The following IL12RB2 variants were observed in gnomAD, a reference collection of about 807,000 sequenced individuals.
IL12RB2 encodes interleukin 12 receptor subunit beta 2.
Under a neutral mutation model 89.4 loss-of-function variants are expected in IL12RB2, and 82 were observed. The observed-to-expected ratio is 0.92, with a 90% CI of 0.77 to 1.10. The LOEUF (loss-of-function observed/expected upper bound fraction) is 1.10. Ranked by LOEUF, IL12RB2 falls within the 50% of genes least tolerant of loss-of-function variation. The pLI, the probability that IL12RB2 is intolerant of heterozygous loss-of-function variation, is 0.00. For synonymous variants in IL12RB2, 368 were observed against 370.1 expected, an observed-to-expected ratio of 0.99 and a Z score of 0.07; for missense variants, 963 against 1,031.9, an observed-to-expected ratio of 0.93 and a Z score of 0.92.
chr1:67,341,573 AAGAAAGAAAGAAAAG>A (rs1373921087), intron 9 of IL12RB2, among the ~76,000 whole-genome samples: 2 of 144,956 alleles, frequency 1.4e-5, no homozygotes, highest in Admixed American at 6.9e-5. Flanking sequence ...GAAAGAAAGA[AAGAAAGAAAGAAAAG>A]AAAGGAAGGA....
chr1:67,392,454 G>T (rs1434218994), intron 16 of IL12RB2, among the ~76,000 whole-genome samples: 1 of 152,016 alleles, frequency 6.6e-6, no homozygotes, highest in Non-Finnish European at 1.5e-5. Flanking sequence ...ATATAAAAAT[G>T]AGGGCGATTT....
intron 10 of IL12RB2, among the ~76,000 whole-genome samples, chr1:67,361,024 G>A (rs1038330059): frequency 2.0e-5 from 3 of 151,856 alleles, no homozygotes; most frequent in South Asian, 2.1e-4. Context: ...TACCCAACTC[G>A]AGCCCACTGT....
At chr1:67,393,233 T>TG (rs1216135216) in intron 16 of IL12RB2, among the ~76,000 whole-genome samples, 14 of 152,230 alleles carry the variant, frequency 9.2e-5, no homozygotes, top group Admixed American at 9.2e-4. Flanking sequence ...CACCACCATG[T>TG]GCCCTAAAGC....
intron 16 of IL12RB2, among the ~76,000 whole-genome samples, chr1:67,390,983 A>C (rs1220420517): frequency 6.6e-6 from 1 of 152,118 alleles, no homozygotes; most frequent in Non-Finnish European, 1.5e-5. Flanking sequence ...CCAGTGGTCC[A>C]TAGTCCCAAC....
chr1:67,395,623 G>T lies in IL12RB2; in HGVS notation c.2123G>T (p.Ser708Ile), dbSNP rs1278049443. 5.0e-6 allele frequency: 8 copies of T among 1,614,226 alleles called. No homozygotes were observed. Among genetic ancestry groups the T allele is most frequent in the Non-Finnish European group, 5.9e-6 (7 of 1,180,042 alleles). The change falls in exon 17 of 17, where the codon AGT (serine) becomes ATT (isoleucine). Residue 708 changes from serine to isoleucine, a missense_variant. Transcript: ENST00000674203. Reference protein sequence around the residue: ...TPEDPEPLVISEVLHQVTPVF... With the variant: ...TPEDPEPLVIIEVLHQVTPVF... ...GAAGATCCTGAACCGCTGGTCATCA[G>T]TGAAGTCCTTCATCAAGTGACCCCA... is the stretch of plus-strand genomic sequence containing the variant.
At chr1:67,374,870 T>A (rs188026919) in intron 13 of IL12RB2, among the ~76,000 whole-genome samples, 9 of 150,976 alleles carry the variant, frequency 6.0e-5, no homozygotes, top group African/African-American at 1.9e-4. Flanking sequence ...AAAGCTGCTC[T>A]TATGGATGTT....
rs1365500468 is a variant in IL12RB2, at chr1:67,362,429, G to A, written c.1259-5396G>A. On this transcript the variant is annotated intron_variant, in intron 10 of 16. Transcript: ENST00000674203. ...AAAATACAAAAAATTAGCCGGGCGCGGTGGCGGGCGCCTGTAGTCCCAGCT... is the reference window on the plus strand; with the variant it reads ...AAAATACAAAAAATTAGCCGGGCGCAGTGGCGGGCGCCTGTAGTCCCAGCT... 8.0e-5 allele frequency among the ~76,000 whole-genome samples: 12 copies of A among 150,266 alleles called. No homozygotes were observed. In the East Asian group the frequency reaches 1.4e-3, roughly 17 times the overall value.
At chr1:67,380,335 C>T (rs1053232520) in intron 14 of IL12RB2, among the ~76,000 whole-genome samples, 4 of 152,168 alleles carry the variant, frequency 2.6e-5, no homozygotes, top group Admixed American at 1.3e-4. Flanking sequence ...CAAAATTTAT[C>T]GGAAATCCTT....
intron 10 of IL12RB2, among the ~76,000 whole-genome samples, chr1:67,358,613 A>G (rs1277747905): frequency 6.6e-6 from 1 of 152,040 alleles, no homozygotes; most frequent in Admixed American, 6.6e-5. Flanking sequence ...TAAAAAAATT[A>G]AAATGAGAGA....
At chr1:67,334,876 A>T (rs374132599) in intron 8 of IL12RB2, among the ~76,000 whole-genome samples, 1 of 152,236 alleles carries the variant, frequency 6.6e-6, no homozygotes, top group East Asian at 1.9e-4. Flanking sequence ...CATGGGCCGT[A>T]GTTTGCTGAC....
rs183874093 is a variant in IL12RB2, at chr1:67,351,465, G to A, written c.1258+376G>A. 2.4e-4 allele frequency among the ~76,000 whole-genome samples: 36 copies of A among 152,198 alleles called. No homozygotes were observed. In the East Asian group the frequency reaches 3.3e-3, roughly 14 times the overall value. ...TAGAAGCAGGAGAAATACGTGTTAT[G>A]TTTCAGAAAACATTTTACACCTAAA... On this transcript the variant is annotated intron_variant, in intron 10 of 16. Coordinates refer to ENST00000674203, the MANE Select transcript of IL12RB2 (RefSeq NM_001374259.2).
At chr1:67,350,042 G>GC (rs546845612) in intron 9 of IL12RB2, among the ~76,000 whole-genome samples, 155 of 152,270 alleles carry the variant, frequency 1.0e-3, no homozygotes, top group African/African-American at 3.7e-3. Flanking sequence ...ACAGCCGGAG[G>GC]CCCCCCACCC....
intron 11 of IL12RB2, among the ~76,000 whole-genome samples, chr1:67,369,561 G>A (rs1663063480): frequency 1.3e-5 from 2 of 152,166 alleles, no homozygotes; most frequent in Non-Finnish European, 1.5e-5. Context: ...ATCAAATCAG[G>A]TGAAAGTGAA....
chr1:67,359,307 G>A (rs928133554), intron 10 of IL12RB2, among the ~76,000 whole-genome samples: 6 of 152,112 alleles, frequency 3.9e-5, no homozygotes, highest in African/African-American at 1.4e-4. Flanking sequence ...TTTCTAAGAC[G>A]AATTTAACTT....
At position 67,394,333 on chromosome 1, in the gene IL12RB2, AG is replaced by A. The variant is rs746862461; in HGVS notation, c.2047-1213del. Among the ~76,000 whole-genome samples the A allele has an allele frequency of 1.7e-4, 26 of 152,252 alleles. No individual in the cohort carries two copies. The East Asian group carries it at 2.3e-3, about 14-fold the overall frequency. On this transcript the variant is annotated intron_variant, in intron 16 of 16. Transcript: ENST00000674203. ...GTGTAGGATTGTTTCTAGGATGCAA[AG>A]AGACCCCAATTAAAGCCCAGTTTTT...
At chr1:67,343,648 A>G (rs1026684811) in intron 9 of IL12RB2, among the ~76,000 whole-genome samples, 1 of 152,064 alleles carries the variant, frequency 6.6e-6, no homozygotes, top group Non-Finnish European at 1.5e-5. Context: ...AAGTATCTCA[A>G]TCCATGATTC....
At chr1:67,343,376 C>A (rs949665250) in intron 9 of IL12RB2, among the ~76,000 whole-genome samples, 2 of 152,210 alleles carry the variant, frequency 1.3e-5, no homozygotes, top group Admixed American at 1.3e-4. Flanking sequence ...GCTACCACAC[C>A]TGGCCCATAG....
chr1:67,351,172 C>G, intron 10 of IL12RB2, 83 bp downstream of exon 10: 1 of 1,565,798 alleles, frequency 6.4e-7, no homozygotes. Context: ...CAACCCAGGA[C>G]CTAAAATGAG....
intron 2 of IL12RB2, among the ~76,000 whole-genome samples, chr1:67,314,532 T>A (rs184383487): frequency 6.6e-6 from 1 of 152,218 alleles, no homozygotes; most frequent in Admixed American, 6.5e-5. Flanking sequence ...CAATAGCATA[T>A]AGCAGAACTG....
Sources: allele counts gnomAD v4.1 joint callset (sites outside exome capture counted in the v4.1 genomes callset), GRCh38; gene constraint gnomAD v4.1.1; transcripts MANE v1.5; gene names NCBI Gene and HGNC (gene_info 2026-07-23, HGNC 2026-07-21).